TSC22D3: variants seen among roughly 807,000 people sequenced by gnomAD.
TSC22D3 encodes TSC22 domain family protein 3.
A neutral mutation model predicts 11.1 loss-of-function variants in TSC22D3; 4 were observed. The observed-to-expected ratio is 0.36, with a 90% confidence interval of 0.18 to 0.83. The LOEUF (loss-of-function observed/expected upper bound fraction) is 0.83. TSC22D3 is among the 40% of genes least tolerant of loss of function. TSC22D3 has a pLI of 0.48. For missense variants in TSC22D3, 118 were observed against 159.4 expected (o/e 0.74, Z 1.40); for synonymous variants, 77 against 70.3 (o/e 1.10, Z -0.48).
At position 107,775,594 on chromosome X, in the gene TSC22D3, T is replaced by C. The variant is rs1660004325; in HGVS notation, c.-175A>G. 2.5e-6 allele frequency: 1 copy of C among 403,223 alleles called. No homozygotes were observed. The highest frequency in any genetic ancestry group is 4.3e-6 in the Non-Finnish European group (1 of 234,235). 33.2% of individuals were successfully genotyped at this position (403,223 alleles called of 1,213,427 possible). On this transcript the variant is annotated 5_prime_UTR_variant, in exon 1 of 3. Coordinates refer to ENST00000372383, the MANE Select transcript of TSC22D3 (RefSeq NM_198057.3). ...CTTCGGCTCGGCCCCCTTCTGGCTG[T>C]ACTGCTCCGGGTGCGAATAGAAACA...
chrX:107,770,786 C>A (rs1333621248), intron 1 of TSC22D3, among the ~76,000 whole-genome samples: 1 of 112,347 alleles, frequency 8.9e-6, no homozygotes, highest in African/African-American at 3.2e-5. Flanking sequence ...GGTTGTTATA[C>A]CTTACAGGTC....
intron 1 of TSC22D3, among the ~76,000 whole-genome samples, chrX:107,748,683 C>T (rs1340093351): frequency 1.8e-5 from 2 of 111,835 alleles, no homozygotes; most frequent in African/African-American, 3.3e-5. Context: ...GAAAGGCCAG[C>T]GATTAAATGA....
chrX:107,769,698 ATCTC>A (rs1401407128), intron 1 of TSC22D3, among the ~76,000 whole-genome samples: 1 of 100,958 alleles, frequency 9.9e-6, no homozygotes, highest in African/African-American at 4.1e-5. Flanking sequence ...CATATAATAC[ATCTC>A]TCTCTTTCTC....
chrX:107,743,372 A>G (rs1388219836), intron 1 of TSC22D3, among the ~76,000 whole-genome samples: 1 of 112,350 alleles, frequency 8.9e-6, no homozygotes, highest in African/African-American at 3.2e-5. Flanking sequence ...TGACCCTTTC[A>G]TCTTACATAT....
intron 1 of TSC22D3, among the ~76,000 whole-genome samples, chrX:107,752,398 G>C (rs1004511965): frequency 3.6e-5 from 4 of 111,852 alleles, no homozygotes; most frequent in African/African-American, 1.3e-4. Flanking sequence ...GAGCCTGGGT[G>C]GGATTCACTT....
chrX:107,744,523 A>G (rs1049882624), intron 1 of TSC22D3, among the ~76,000 whole-genome samples: 2 of 111,983 alleles, frequency 1.8e-5, no homozygotes, highest in African/African-American at 6.5e-5. Flanking sequence ...AAAAAAGCTC[A>G]GCATCAAAGA....
At chrX:107,758,455 C>T (rs1929277203) in intron 1 of TSC22D3, among the ~76,000 whole-genome samples, 1 of 111,566 alleles carries the variant, frequency 9.0e-6, no homozygotes, top group African/African-American at 3.3e-5. Context: ...TATCAACACC[C>T]ACCAAGCAGA....
intron 1 of TSC22D3, among the ~76,000 whole-genome samples, chrX:107,763,168 T>C (rs143418330): frequency 1.3e-4 from 15 of 111,806 alleles, no homozygotes; most frequent in Non-Finnish European, 2.8e-4. Flanking sequence ...ACTTTTCTTA[T>C]ATTTGAAGAC....
chrX:107,745,582 G>T (rs1405311503), intron 1 of TSC22D3, among the ~76,000 whole-genome samples: 2 of 112,323 alleles, frequency 1.8e-5, no homozygotes, highest in Non-Finnish European at 3.8e-5. Context: ...CTTCTCTCCT[G>T]CTTTGCAAGT....
chrX:107,763,806 C>T (rs1245994115), intron 1 of TSC22D3, among the ~76,000 whole-genome samples: 5 of 112,562 alleles, frequency 4.4e-5, no homozygotes, highest in Non-Finnish European at 9.4e-5. Flanking sequence ...ACATTTCCTA[C>T]TGTCATGGAC....
chrX:107,716,811 T>C (rs780656379), intron 1 of TSC22D3: 57 of 1,209,671 alleles, frequency 4.7e-5, no homozygotes, highest in Non-Finnish European at 6.4e-5. Context: ...TCGGTGTTCA[T>C]GGCTCGGGCT....
At chrX:107,775,046 G>A in intron 1 of TSC22D3, 54 bp downstream of exon 1, 1 of 1,166,853 alleles carries the variant, frequency 8.6e-7, no homozygotes. Flanking sequence ...TGAGGGTGCA[G>A]CAGAGGCTGG....
At chrX:107,770,658 C>T (rs780301948) in intron 1 of TSC22D3, among the ~76,000 whole-genome samples, 4 of 111,279 alleles carry the variant, frequency 3.6e-5, no homozygotes, top group East Asian at 2.8e-4. Flanking sequence ...TAGCCAGGTA[C>T]GCTCTGGGGT....
At position 107,721,927 on chromosome X, in the gene TSC22D3, T is replaced by C. The variant is rs963043882; in HGVS notation, c.321-5977A>G. On this transcript the variant is annotated intron_variant, in intron 1 of 2. Coordinates refer to ENST00000372383, the MANE Select transcript of TSC22D3 (RefSeq NM_198057.3). The stretch of plus-strand genomic sequence containing the variant: ...ATGCCATGGTTTAATTTGTCCTTGC[T>C]TCTCGCTTATCTTCTCTCTTCCCTT... The C allele has an allele frequency of 3.2e-5, 16 of 504,250 alleles. No homozygotes were observed. The African/African-American group carries it at 3.3e-4, about 10-fold the overall frequency. 41.6% of individuals were successfully genotyped at this position (504,250 alleles called of 1,213,427 possible).
chrX:107,743,142 G>A (rs1928499639), intron 1 of TSC22D3, among the ~76,000 whole-genome samples: 1 of 112,785 alleles, frequency 8.9e-6, no homozygotes, highest in African/African-American at 3.2e-5. Context: ...GCGGCCCTTG[G>A]CCCTGAGCTA....
chrX:107,775,198 T>C lies in TSC22D3; in HGVS notation c.222A>G (p.Leu74=). Residue 74 remains leucine (L), a synonymous_variant, in exon 1 of 3, where the codon CTA becomes CTG. Coordinates refer to ENST00000372383, the MANE Select transcript of TSC22D3 (RefSeq NM_198057.3). ...AGCAGGGGTCCCGCAGCACCGGCTC[T>C]AGCGAATCCTGCCGCATTATGCTGT... The part of the protein sequence containing the change: ...KLNSIMRQDS[L]EPVLRDPCYL... The C allele has an allele frequency of 8.3e-7, 1 of 1,212,115 alleles. No homozygotes were observed. Among genetic ancestry groups the C allele is most frequent in the Non-Finnish European group, 1.1e-6 (1 of 895,593 alleles).
At chrX:107,734,239 C>T (rs1459076547) in intron 1 of TSC22D3, among the ~76,000 whole-genome samples, 1 of 112,174 alleles carries the variant, frequency 8.9e-6, no homozygotes, top group Non-Finnish European at 1.9e-5. Flanking sequence ...AAATCGGGCC[C>T]ACCATAGTAC....
chrX:107,757,706 C>T (rs1929240230), intron 1 of TSC22D3, among the ~76,000 whole-genome samples: 1 of 109,973 alleles, frequency 9.1e-6, no homozygotes, highest in Admixed American at 9.8e-5. Flanking sequence ...ACTCTCTTCC[C>T]TTTCCCCCTT....
chrX:107,746,768 G>C (rs918546297), intron 1 of TSC22D3, among the ~76,000 whole-genome samples: 3 of 112,435 alleles, frequency 2.7e-5, no homozygotes, highest in Admixed American at 1.9e-4. Flanking sequence ...ACATTCATGT[G>C]TGTCCTCCTT....
Sources: allele counts gnomAD v4.1 joint callset (sites outside exome capture counted in the v4.1 genomes callset), GRCh38; gene constraint gnomAD v4.1.1; transcripts MANE v1.5; gene names NCBI Gene and HGNC (gene_info 2026-07-23, HGNC 2026-07-21).